ANXA4: variants seen among roughly 807,000 people sequenced by gnomAD.
ANXA4 encodes 35-beta calcimedin.
In ANXA4, 39 loss-of-function variants were observed where a neutral mutation model predicts 49.8. That is an observed-to-expected ratio of 0.78 (90% CI 0.61 to 1.02). The LOEUF is 1.02. ANXA4 is among the 50% of genes least tolerant of loss of function. The pLI, the probability that ANXA4 is intolerant of heterozygous loss-of-function variation, is 0.00. For synonymous variants in ANXA4, 134 were observed against 152.5 expected (o/e 0.88, Z 0.89); for missense variants, 360 against 410.1 (o/e 0.88, Z 1.05).
chr2:69,725,394 A>G (rs548741526), intron 3 of ANXA4, among the ~76,000 whole-genome samples: 71 of 148,446 alleles, frequency 4.8e-4, no homozygotes, highest in African/African-American at 1.7e-3. Flanking sequence ...TTATATATAA[A>G]TACATGGTAT....
intron 1 of ANXA4, among the ~76,000 whole-genome samples, chr2:69,647,614 G>A (rs536476368): frequency 2.6e-5 from 4 of 151,884 alleles, no homozygotes; most frequent in African/African-American, 9.7e-5. Context: ...TCACCATGTT[G>A]CCCAGGGTGG....
intron 1 of ANXA4, among the ~76,000 whole-genome samples, chr2:69,771,094 CAAAAAA>C (rs1169928879): frequency 2.4e-5 from 1 of 42,412 alleles, no homozygotes; most frequent in African/African-American, 8.8e-5. Flanking sequence ...ACCCTGTCTC[CAAAAAA>C]AAAAAAAAGA....
At chr2:69,781,308 A>C in intron 1 of ANXA4, 1 of 586,116 alleles carries the variant, frequency 1.7e-6, no homozygotes, top group Non-Finnish European at 3.0e-6. Context: ...AGGTGGGAAA[A>C]TATTTTACCA....
chr2:69,745,839 A>G (rs556598661), intron 1 of ANXA4, among the ~76,000 whole-genome samples: 2 of 151,932 alleles, frequency 1.3e-5, no homozygotes, highest in African/African-American at 2.4e-5. Flanking sequence ...CTGAGAAACT[A>G]TGCTTTAGAA....
intron 2 of ANXA4, among the ~76,000 whole-genome samples, chr2:69,708,915 A>T (rs976863577): frequency 7.1e-6 from 1 of 140,094 alleles, no homozygotes; most frequent in South Asian, 2.2e-4. Flanking sequence ...TACCAAACTT[A>T]AAAAAAAAAA....
At chr2:69,795,503 G>A (rs1052418171) in intron 3 of ANXA4, among the ~76,000 whole-genome samples, 1 of 152,122 alleles carries the variant, frequency 6.6e-6, no homozygotes, top group African/African-American at 2.4e-5. Flanking sequence ...TCCTAGTATC[G>A]GGGTGTTGCA....
intron 10 of ANXA4, among the ~76,000 whole-genome samples, chr2:69,818,912 A>G (rs895100252): frequency 6.6e-6 from 1 of 152,204 alleles, no homozygotes; most frequent in Non-Finnish European, 1.5e-5. Flanking sequence ...GTGCCTTTGT[A>G]TGTCCTATGT....
Position 69,697,911 on chromosome 2 carries a change from G to C in ANXA4, n.767-22863G>C, listed in dbSNP as rs563582894. On this transcript the variant is annotated intron_variant and non_coding_transcript_variant, in intron 2 of 3. Transcript: ENST00000418066. Reference sequence around the variant, plus strand: ...TATAACCTGAGCACTTTGAAAGGCTGAGATGGGAGGATCTCTTAAGCCCAG... The same window carrying C: ...TATAACCTGAGCACTTTGAAAGGCTCAGATGGGAGGATCTCTTAAGCCCAG... Among the ~76,000 whole-genome samples the C allele has an allele frequency of 1.8e-4, 27 of 149,098 alleles. 1 individual carries two copies. In the South Asian group the frequency reaches 5.3e-3, roughly 29 times the overall value.
At chr2:69,708,260 C>G (rs1280798792) in intron 2 of ANXA4, among the ~76,000 whole-genome samples, 1 of 152,182 alleles carries the variant, frequency 6.6e-6, no homozygotes, top group Non-Finnish European at 1.5e-5. Flanking sequence ...GTGATCAATA[C>G]GTGGCATCGA....
intron 3 of ANXA4, among the ~76,000 whole-genome samples, chr2:69,800,723 T>C (rs554435364): frequency 6.6e-6 from 1 of 152,126 alleles, no homozygotes; most frequent in Non-Finnish European, 1.5e-5. Context: ...GAATGGCATG[T>C]GCGGAGGTCT....
intron 1 of ANXA4, among the ~76,000 whole-genome samples, chr2:69,762,949 C>G (rs1353700255): frequency 2.0e-5 from 3 of 152,214 alleles, no homozygotes; most frequent in African/African-American, 7.2e-5. Context: ...CACTTCCTCT[C>G]AGCTTCTAAC....
chr2:69,679,615 T>G (rs1573094346), intron 2 of ANXA4, among the ~76,000 whole-genome samples: 1 of 152,320 alleles, frequency 6.6e-6, no homozygotes, highest in East Asian at 1.9e-4. Flanking sequence ...CCCTATGTTT[T>G]CTTCCAGTAG....
chr2:69,757,375 A>G (rs1042598364), intron 1 of ANXA4, among the ~76,000 whole-genome samples: 12 of 136,950 alleles, frequency 8.8e-5, no homozygotes, highest in South Asian at 2.4e-4. Context: ...GGTTGATGCC[A>G]TTCTCCTGCC....
intron 2 of ANXA4, among the ~76,000 whole-genome samples, chr2:69,658,675 T>C (rs1387581377): frequency 1.3e-5 from 2 of 152,136 alleles, no homozygotes; most frequent in Non-Finnish European, 2.9e-5. Flanking sequence ...TGATTTAAAT[T>C]TATTTTTATT....
At chr2:69,665,333 C>G (rs1676895622) in intron 2 of ANXA4, among the ~76,000 whole-genome samples, 1 of 152,076 alleles carries the variant, frequency 6.6e-6, no homozygotes, top group African/African-American at 2.4e-5. Flanking sequence ...GTCCCAGTGC[C>G]AGACATGTGA....
intron 12 of ANXA4, among the ~76,000 whole-genome samples, chr2:69,821,176 G>A (rs908827506): frequency 1.3e-5 from 2 of 152,164 alleles, no homozygotes; most frequent in African/African-American, 2.4e-5. Context: ...CTGGGAATAT[G>A]GGAAAGCATT....
chr2:69,809,037 A>G (rs1673579403), intron 6 of ANXA4: 1 of 152,228 alleles, frequency 6.6e-6, no homozygotes, highest in African/African-American at 2.4e-5. Flanking sequence ...ATAGTATGCT[A>G]TGATCCCATT....
At chr2:69,806,614 G>T (rs984667783) in intron 5 of ANXA4, 116 bp downstream of exon 5, 9 of 755,650 alleles carry the variant, frequency 1.2e-5, no homozygotes, top group Non-Finnish European at 2.0e-5. Context: ...CCCATCAATG[G>T]TAGACTGGAT....
intron 2 of ANXA4, among the ~76,000 whole-genome samples, chr2:69,697,366 T>C (rs1678191489): frequency 6.6e-6 from 1 of 152,254 alleles, no homozygotes; most frequent in South Asian, 2.1e-4. Context: ...AAGAGTTTAG[T>C]GCCTTGTTCT....
Sources: allele counts gnomAD v4.1 joint callset (sites outside exome capture counted in the v4.1 genomes callset), GRCh38; gene constraint gnomAD v4.1.1; transcripts MANE v1.5; gene names NCBI Gene and HGNC (gene_info 2026-07-23, HGNC 2026-07-21).